The following ZNF423 variants were observed in gnomAD, a reference collection of about 807,000 sequenced individuals.
The protein encoded by ZNF423 is Ebf-associated zinc finger protein.
A neutral mutation model predicts 95.8 loss-of-function variants in ZNF423; 12 were observed. That is an observed-to-expected ratio of 0.13 (90% CI 0.08 to 0.20). ZNF423 has a LOEUF of 0.20. Ranked by LOEUF, ZNF423 falls within the 10% of genes least tolerant of loss-of-function variation. ZNF423 has a pLI of 1.00. For synonymous variants in ZNF423, 749 were observed against 711.9 expected, an observed-to-expected ratio of 1.05 and a Z score of -0.83; for missense variants, 1,316 against 1,737.1, an observed-to-expected ratio of 0.76 and a Z score of 4.31.
rs546790734 is a variant in ZNF423 at position 49,813,516 on chromosome 16, C to T, written c.41-23970G>A. On this transcript the variant is annotated intron_variant, in intron 1 of 7. Transcript: ENST00000563137. ...CCCTGGGCCATGGCCCAGGCTCATG[C>T]TTGATCTGCCCAGGGATTGATCCTC... 5.6e-4 allele frequency among the ~76,000 whole-genome samples: 85 copies of T among 152,330 alleles called. 1 individual carries two copies. Among genetic ancestry groups the T allele is most frequent in the East Asian group, 1.9e-3 (10 of 5,170 alleles).
At chr16:49,645,007 T>C (rs1262427767) in intron 3 of ZNF423, among the ~76,000 whole-genome samples, 1 of 152,172 alleles carries the variant, frequency 6.6e-6, no homozygotes, top group African/African-American at 2.4e-5. Flanking sequence ...GCCATATGAA[T>C]ATAAAGATCA....
At chr16:49,695,232 A>G (rs1391503294) in intron 3 of ZNF423, among the ~76,000 whole-genome samples, 1 of 152,050 alleles carries the variant, frequency 6.6e-6, no homozygotes, top group African/African-American at 2.4e-5. Flanking sequence ...TTGTGCCTCA[A>G]CCTCCCAAGT....
chr16:49,614,315 G>A (rs912843385), intron 5 of ZNF423, among the ~76,000 whole-genome samples: 3 of 152,060 alleles, frequency 2.0e-5, no homozygotes, highest in East Asian at 1.9e-4. Context: ...TGGTGAGAAC[G>A]TAGAGAAATG....
intron 5 of ZNF423, among the ~76,000 whole-genome samples, chr16:49,611,973 TA>T (rs2151845212): frequency 6.6e-6 from 1 of 152,188 alleles, no homozygotes; most frequent in South Asian, 2.1e-4. Flanking sequence ...CCTATTCTAT[TA>T]AGGAAATGGA....
chr16:49,703,433 C>T (rs933502761), intron 3 of ZNF423, among the ~76,000 whole-genome samples: 1 of 152,258 alleles, frequency 6.6e-6, no homozygotes. Context: ...CCCAGCCCTA[C>T]ATTTTTCAGG....
At chr16:49,815,901 T>C (rs1235362598) in intron 1 of ZNF423, among the ~76,000 whole-genome samples, 20 of 45,700 alleles carry the variant, frequency 4.4e-4, no homozygotes, top group African/African-American at 1.7e-3. Flanking sequence ...TATATATATA[T>C]ATATATATAT....
At chr16:49,588,808 C>T (rs1970919983) in intron 5 of ZNF423, among the ~76,000 whole-genome samples, 1 of 152,238 alleles carries the variant, frequency 6.6e-6, no homozygotes, top group Non-Finnish European at 1.5e-5. Context: ...AAAGTGCTGC[C>T]TGCTACCACT....
At chr16:49,693,120 C>T (rs766417522) in intron 3 of ZNF423, among the ~76,000 whole-genome samples, 1 of 152,218 alleles carries the variant, frequency 6.6e-6, no homozygotes, top group South Asian at 2.1e-4. Context: ...ACATGCCAAG[C>T]ATTGTTCTGA....
intron 2 of ZNF423, among the ~76,000 whole-genome samples, chr16:49,736,231 T>G (rs1401241150): frequency 6.6e-6 from 1 of 152,224 alleles, no homozygotes; most frequent in Non-Finnish European, 1.5e-5. Flanking sequence ...CGATAAGTAT[T>G]AGATTGAATC....
intron 5 of ZNF423, among the ~76,000 whole-genome samples, chr16:49,619,471 G>A (rs1020188174): frequency 4.6e-5 from 7 of 152,156 alleles, no homozygotes; most frequent in East Asian, 3.9e-4. Flanking sequence ...CAGCTTCCTC[G>A]AATGAACCAA....
intron 2 of ZNF423, among the ~76,000 whole-genome samples, chr16:49,743,153 C>A (rs753712616): frequency 1.6e-4 from 25 of 152,168 alleles, no homozygotes; most frequent in Non-Finnish European, 3.4e-4. Flanking sequence ...GCCCGCCTTC[C>A]ACGCCAGGGT....
chr16:49,734,316 G>T (rs2033235961), intron 2 of ZNF423, among the ~76,000 whole-genome samples: 1 of 152,210 alleles, frequency 6.6e-6, no homozygotes, highest in Non-Finnish European at 1.5e-5. Flanking sequence ...GACATCACCT[G>T]TGCAAACTCA....
chr16:49,542,189 C>T (rs544079885), intron 5 of ZNF423, among the ~76,000 whole-genome samples: 1 of 152,296 alleles, frequency 6.6e-6, no homozygotes, highest in African/African-American at 2.4e-5. Context: ...TCTTGCTGGG[C>T]TGAGGCCTCA....
chr16:49,741,019 C>G (rs2143490047), intron 2 of ZNF423, among the ~76,000 whole-genome samples: 1 of 152,278 alleles, frequency 6.6e-6, no homozygotes, highest in South Asian at 2.1e-4. Flanking sequence ...GCTGAGACAG[C>G]CCCCTCAGTC....
chr16:49,592,791 C>T (rs375493929), intron 5 of ZNF423, among the ~76,000 whole-genome samples: 2 of 152,220 alleles, frequency 1.3e-5, no homozygotes, highest in East Asian at 3.9e-4. Flanking sequence ...GGGCTATCCC[C>T]TCGCCTCCCC....
intron 5 of ZNF423, among the ~76,000 whole-genome samples, chr16:49,559,744 C>A (rs1277027613): frequency 3.3e-5 from 5 of 152,144 alleles, no homozygotes; most frequent in Admixed American, 2.6e-4. Context: ...CATTGCTGGC[C>A]AATGTACCCA....
At chr16:49,721,215 C>G (rs2032856241) in intron 3 of ZNF423, among the ~76,000 whole-genome samples, 1 of 152,206 alleles carries the variant, frequency 6.6e-6, no homozygotes, top group South Asian at 2.1e-4. Context: ...AGCCAAGTCT[C>G]TATGCAGATA....
intron 3 of ZNF423, among the ~76,000 whole-genome samples, chr16:49,639,513 T>C (rs774028928): frequency 9.9e-5 from 15 of 152,162 alleles, no homozygotes; most frequent in Non-Finnish European, 1.6e-4. Context: ...ACTTCAGTGC[T>C]CAGGTGGGAA....
chr16:49,583,363 C>A (rs1021187872), intron 5 of ZNF423, among the ~76,000 whole-genome samples: 2 of 152,170 alleles, frequency 1.3e-5, no homozygotes, highest in Admixed American at 1.3e-4. Context: ...AGAAAAGCAT[C>A]TTGTGATGAT....
Sources: allele counts gnomAD v4.1 joint callset (sites outside exome capture counted in the v4.1 genomes callset), GRCh38; gene constraint gnomAD v4.1.1; transcripts MANE v1.5; gene names NCBI Gene and HGNC (gene_info 2026-07-23, HGNC 2026-07-21).